Variants in AZIN2 observed in about 807,000 individuals in gnomAD.
The protein encoded by AZIN2 is antizyme inhibitor 2.
Under a neutral mutation model 47.8 loss-of-function variants are expected in AZIN2, and 28 were observed. The observed-to-expected ratio is 0.59, with a 90% CI of 0.43 to 0.80. The LOEUF is 0.80. Among genes scored for constraint, AZIN2 ranks in the 30% least tolerant of loss-of-function variants. AZIN2 has a pLI of 0.00. For synonymous variants in AZIN2, 221 were observed against 239.4 expected (o/e 0.92, Z 0.71); for missense variants, 535 against 582.5 (o/e 0.92, Z 0.84).
At chr1:33,114,560 A>G (rs2124650113) in intron 10 of AZIN2, among the ~76,000 whole-genome samples, 1 of 150,752 alleles carries the variant, frequency 6.6e-6, no homozygotes, top group East Asian at 2.0e-4. Context: ...TCACCGTGTT[A>G]GCCAGGATGG....
At chr1:33,153,219 G>T in the AZIN2 span, among the ~76,000 whole-genome samples, 3 of 152,162 alleles carry the variant, frequency 2.0e-5, no homozygotes, top group African/African-American at 7.2e-5. Context: ...AAGGGCTTTG[G>T]TGCTGGCAGA....
chr1:33,157,623 C>T, the AZIN2 span, among the ~76,000 whole-genome samples: 1 of 152,160 alleles, frequency 6.6e-6, no homozygotes, highest in East Asian at 1.9e-4. Context: ...TATGGTATCT[C>T]CAGCACCTAG....
the AZIN2 span, among the ~76,000 whole-genome samples, chr1:33,150,242 TCTTTC>T: frequency 3.9e-5 from 6 of 152,350 alleles, no homozygotes; most frequent in African/African-American, 1.2e-4. Flanking sequence ...GCTCTCTGGC[TCTTTC>T]CTTTACTGGC....
At chr1:33,149,858 C>T in the AZIN2 span, among the ~76,000 whole-genome samples, 3 of 152,170 alleles carry the variant, frequency 2.0e-5, no homozygotes, top group Admixed American at 1.3e-4. Context: ...GGGCAAGGAC[C>T]GTGTACTGTC....
At chr1:33,165,564 C>G in the AZIN2 span, 2 of 1,605,868 alleles carry the variant, frequency 1.2e-6, no homozygotes, top group Non-Finnish European at 1.7e-6. The surrounding 1 kb of genome is among the most constrained non-coding windows in gnomAD (Gnocchi z 4.0). Flanking sequence ...CCTTCAGCTC[C>G]CTCTGAAACA....
the AZIN2 span, among the ~76,000 whole-genome samples, chr1:33,158,659 A>G: frequency 1.3e-5 from 2 of 152,234 alleles, no homozygotes; most frequent in Admixed American, 1.3e-4. Flanking sequence ...GTCACGGTCA[A>G]TGCCAAATTC....
At chr1:33,139,435 C>T in the AZIN2 span, among the ~76,000 whole-genome samples, 1 of 152,202 alleles carries the variant, frequency 6.6e-6, no homozygotes, top group South Asian at 2.1e-4. Flanking sequence ...CAGTGGGAGA[C>T]CCAGAGTCCT....
chr1:33,098,758 ATCTC>A (rs1291057829), intron 10 of AZIN2, among the ~76,000 whole-genome samples: 12 of 150,762 alleles, frequency 8.0e-5, no homozygotes, highest in Non-Finnish European at 1.6e-4. Flanking sequence ...GTGTCTTCCT[ATCTC>A]TCTCTCTCTT....
downstream of AZIN2, among the ~76,000 whole-genome samples, chr1:33,123,756 T>C (rs1644835637): frequency 6.6e-6 from 1 of 151,768 alleles, no homozygotes; most frequent in South Asian, 2.1e-4. Context: ...TCTAGTACTT[T>C]GGGAGGCCAA....
At chr1:33,165,468 C>A in the AZIN2 span, 369,974 of 1,593,538 alleles carry the variant, frequency 0.23, 44,425 homozygotes, top group South Asian at 0.31. The surrounding 1 kb of genome is among the most constrained non-coding windows in gnomAD (Gnocchi z 4.0). Flanking sequence ...CGGCCAGGCT[C>A]ACCTTGGTCT....
At chr1:33,150,187 T>A in the AZIN2 span, among the ~76,000 whole-genome samples, 1 of 152,192 alleles carries the variant, frequency 6.6e-6, no homozygotes, top group African/African-American at 2.4e-5. Flanking sequence ...TGAGGAAAAG[T>A]GGGAAGAAGG....
Position 33,121,361 on chromosome 1 carries a change from G to C in AZIN2, c.*1179G>C, listed in dbSNP as rs971867652. On this transcript the variant is annotated 3_prime_UTR_variant, in exon 12 of 12. Coordinates refer to ENST00000294517, the MANE Select transcript of AZIN2 (RefSeq NM_052998.4). ...GGTGATCACCTGAGGTCAGGAGTTC[G>C]AGACCAGCCTGGCCAACATGGCAAA... 6.6e-6 allele frequency among the ~76,000 whole-genome samples: 1 copy of C among 152,098 alleles called. No individual in the cohort carries two copies. Among genetic ancestry groups the C allele is most frequent in the Non-Finnish European group, 1.5e-5 (1 of 68,028 alleles).
chr1:33,119,973 GC>G, intron 11 of AZIN2, 70 bp from the exon 12 acceptor site: 1 of 1,597,846 alleles, frequency 6.3e-7, no homozygotes, highest in Non-Finnish European at 8.5e-7. Flanking sequence ...GCCCAATGGG[GC>G]TGCGTCTCCA....
At chr1:33,131,530 A>G in the AZIN2 span, among the ~76,000 whole-genome samples, 1 of 152,250 alleles carries the variant, frequency 6.6e-6, no homozygotes, top group Non-Finnish European at 1.5e-5. Flanking sequence ...GATGTAGTTC[A>G]AAAGAAAAGA....
At chr1:33,093,793 T>C (rs569353877) in intron 7 of AZIN2, among the ~76,000 whole-genome samples, 26 of 150,648 alleles carry the variant, frequency 1.7e-4, no homozygotes, top group Non-Finnish European at 3.2e-4. Flanking sequence ...TGCAGTGGCA[T>C]GATCATGGTT....
the AZIN2 span, among the ~76,000 whole-genome samples, chr1:33,145,120 C>T: frequency 6.6e-6 from 1 of 152,174 alleles, no homozygotes; most frequent in South Asian, 2.1e-4. Flanking sequence ...CTGCCTGCTC[C>T]CAAGACTACC....
At chr1:33,110,642 G>A (rs1344737162) in intron 10 of AZIN2, among the ~76,000 whole-genome samples, 2 of 152,162 alleles carry the variant, frequency 1.3e-5, no homozygotes, top group African/African-American at 4.8e-5. Context: ...AAGAGAGAAT[G>A]AGAGAATGGG....
In AZIN2 at chr1:33,114,652, C is replaced by CTTT. The variant is rs35317929; in HGVS notation, c.1030-3231_1030-3229dup. On this transcript the variant is annotated intron_variant, in intron 10 of 11. Coordinates refer to ENST00000294517, the MANE Select transcript of AZIN2 (RefSeq NM_052998.4). The stretch of plus-strand genomic sequence containing the variant: ...ACAGGCATGAGCCACCGCGACCCGC[C>CTTT]TTTTTTTTTTTTTTTTTTTTTGAGA... Among the ~76,000 whole-genome samples the CTTT allele has an allele frequency of 2.2e-3, 176 of 79,876 alleles. 17 individuals are homozygous for CTTT. The highest frequency in any genetic ancestry group is 8.5e-3 in the African/African-American group (145 of 17,122). 52.4% of individuals were successfully genotyped at this position (79,876 alleles called of 152,430 possible).
chr1:33,122,356 T>G lies in AZIN2; in HGVS notation c.*2174T>G, dbSNP rs1644810903. On this transcript the variant is annotated 3_prime_UTR_variant, in exon 12 of 12. Transcript: ENST00000294517. Reference sequence around the variant, plus strand: ...TTGGATGGATTTCTCACTGGAGCCTTTCTAGTGTTTCATGTTCCATTTGCA... The same window carrying G: ...TTGGATGGATTTCTCACTGGAGCCTGTCTAGTGTTTCATGTTCCATTTGCA... Among the ~76,000 whole-genome samples, 1 of 152,254 alleles carries G rather than the reference T, an allele frequency of 6.6e-6. No individual in the cohort carries two copies. Among genetic ancestry groups the G allele is most frequent in the South Asian group, 2.1e-4 (1 of 4,836 alleles).
Sources: gnomAD v4.1 joint callset for allele counts (sites outside exome capture counted in the v4.1 genomes callset) on GRCh38, gnomAD v4.1.1 for gene constraint, Gnocchi (gnomAD v3.1) non-coding constraint, MANE v1.5 for transcripts, NCBI Gene and HGNC (gene_info 2026-07-23, HGNC 2026-07-21) for gene names.